RNF10: variants seen among roughly 807,000 people sequenced by gnomAD.
RNF10 encodes ring finger protein 10, also known as E3 ubiquitin-protein ligase RNF10.
A neutral mutation model predicts 91.4 loss-of-function variants in RNF10; 38 were observed. That is an observed-to-expected ratio of 0.42 (90% CI 0.32 to 0.54). The LOEUF is 0.54. Ranked by LOEUF, RNF10 falls within the 20% of genes least tolerant of loss-of-function variation. The pLI is 0.16. For missense variants in RNF10, 945 were observed against 1,012.0 expected (o/e 0.93, Z 0.90); for synonymous variants, 364 against 366.3 (o/e 0.99, Z 0.07).
intron 11 of RNF10, 74 bp downstream of exon 11, chr12:120,565,263 A>G (rs1593103720): frequency 8.2e-7 from 1 of 1,214,270 alleles, no homozygotes; most frequent in Non-Finnish European, 1.2e-6. Flanking sequence ...CCAGTGGGGG[A>G]GGAAACTTAT....
At chr12:120,574,371 C>T (rs570085274) in intron 14 of RNF10, 27 of 446,358 alleles carry the variant, frequency 6.0e-5, no homozygotes, top group South Asian at 4.1e-4. Context: ...AGTTGGGGCT[C>T]ATAGTGGCCT....
chr12:120,571,317 C>A, intron 14 of RNF10, 26 bp downstream of exon 14: 2 of 1,512,228 alleles, frequency 1.3e-6, no homozygotes, highest in Non-Finnish European at 1.8e-6. Flanking sequence ...GTGAAGCAGC[C>A]CAGGGGTATT....
intron 1 of RNF10, among the ~76,000 whole-genome samples, chr12:120,536,044 G>A (rs745419232): frequency 2.6e-5 from 4 of 152,206 alleles, no homozygotes; most frequent in Admixed American, 6.5e-5. Flanking sequence ...TTCAGCGACA[G>A]TGGGGATGTT....
chr12:120,566,768 A>G, intron 12 of RNF10, 57 bp from the exon 13 acceptor site: 1 of 1,548,298 alleles, frequency 6.5e-7, no homozygotes, highest in Non-Finnish European at 8.8e-7. Flanking sequence ...TCTCAAAAAA[A>G]AAAAAAAAAA....
intron 4 of RNF10, 99 bp downstream of exon 4, chr12:120,554,907 C>G (rs1038622805): frequency 3.3e-6 from 3 of 905,898 alleles, no homozygotes; most frequent in Admixed American, 3.9e-5. Flanking sequence ...TGCTTGATAC[C>G]CTTTTCTGCC....
intron 3 of RNF10, among the ~76,000 whole-genome samples, chr12:120,553,684 T>G (rs58940766): frequency 0.031 from 4,715 of 152,108 alleles, 233 homozygotes; most frequent in African/African-American, 0.11. Context: ...ATTACAGGCG[T>G]GAGCCACGGC....
chr12:120,541,437 CTTTT>C (rs3049456), intron 1 of RNF10, among the ~76,000 whole-genome samples: 1 of 140,586 alleles, frequency 7.1e-6, no homozygotes, highest in African/African-American at 2.6e-5. Context: ...CTGAGTTTTC[CTTTT>C]TTTTTTTTTT....
At chr12:120,540,338 T>C (rs1871370942) in intron 1 of RNF10, among the ~76,000 whole-genome samples, 1 of 152,132 alleles carries the variant, frequency 6.6e-6, no homozygotes, top group Admixed American at 6.6e-5. Context: ...GTGCAAGTGA[T>C]TCTGGTGTGC....
chr12:120,563,110 A>T, intron 8 of RNF10, 40 bp downstream of exon 8: 5 of 1,613,396 alleles, frequency 3.1e-6, no homozygotes, highest in Non-Finnish European at 4.2e-6. Flanking sequence ...CCGTTCCTCA[A>T]ATGCTGTCAT....
rs771974880 is a variant in RNF10, at chr12:120,575,926, C to A, written c.2335C>A (p.Pro779Thr). 1 of 1,613,900 alleles carries A rather than the reference C, an allele frequency of 6.2e-7. No individual in the cohort carries two copies. The highest frequency in any genetic ancestry group is 8.5e-7 in the Non-Finnish European group (1 of 1,180,032). Residue 779 changes from proline to threonine, a missense_variant, in exon 16 of 17, where the codon CCA becomes ACA. Coordinates refer to ENST00000325954, the MANE Select transcript of RNF10 (RefSeq NM_014868.5). Reference sequence around the variant, plus strand: ...AGCAGCCTTCATGAAACTGGACACACCAGCTACTTCAGATCCCCTCTCTGG... The same window carrying A: ...AGCAGCCTTCATGAAACTGGACACAACAGCTACTTCAGATCCCCTCTCTGG... ...IEAAFMKLDTPATSDPLSEEK... is the reference protein window; with the variant it reads ...IEAAFMKLDTTATSDPLSEEK...
At chr12:120,538,038 G>A (rs970516056) in intron 1 of RNF10, among the ~76,000 whole-genome samples, 1 of 152,136 alleles carries the variant, frequency 6.6e-6, no homozygotes, top group Non-Finnish European at 1.5e-5. Context: ...GTACACTCAA[G>A]CTCCGCATAA....
chr12:120,549,901 TG>T (rs1238835507), intron 2 of RNF10, among the ~76,000 whole-genome samples: 1 of 151,994 alleles, frequency 6.6e-6, no homozygotes, highest in Non-Finnish European at 1.5e-5. Flanking sequence ...GAGGTCCTAG[TG>T]GGGGTAAAGA....
chr12:120,554,684 C>A, intron 3 of RNF10, 34 bp from the exon 4 acceptor site: 1 of 1,498,338 alleles, frequency 6.7e-7, no homozygotes, highest in Non-Finnish European at 9.3e-7. Flanking sequence ...TAGATCCTGA[C>A]AGTCTAGCTT....
intron 12 of RNF10, 145 bp downstream of exon 12, chr12:120,565,674 T>C: frequency 7.5e-6 from 5 of 665,822 alleles, no homozygotes; most frequent in Non-Finnish European, 1.3e-5. Context: ...CTTAATAGGC[T>C]TGCTTGCAAA....
intron 14 of RNF10, chr12:120,574,613 T>G (rs1814580241): frequency 2.2e-6 from 1 of 448,816 alleles, no homozygotes; most frequent in African/African-American, 2.0e-5. Flanking sequence ...TGAAGTTTAG[T>G]AGCCATGTGG....
At chr12:120,564,476 T>A (rs535432753) in intron 10 of RNF10, among the ~76,000 whole-genome samples, 30 of 152,072 alleles carry the variant, frequency 2.0e-4, no homozygotes, top group African/African-American at 6.7e-4. Context: ...CAAAAAAAAA[T>A]TAGCTGGGTA....
intron 3 of RNF10, 93 bp from the exon 4 acceptor site, chr12:120,554,625 A>C: frequency 1.0e-6 from 1 of 991,974 alleles, no homozygotes; most frequent in Non-Finnish European, 1.6e-6. Context: ...AATGGCCTGC[A>C]TTTGATTTCT....
chr12:120,558,418 GT>G (rs1210023195), intron 6 of RNF10, among the ~76,000 whole-genome samples: 5 of 151,456 alleles, frequency 3.3e-5, no homozygotes, highest in Admixed American at 6.6e-5. Context: ...CTGTTTAAAT[GT>G]TTAGCAACTT....
Position 120,566,815 on chromosome 12 carries a change from T to C in RNF10, c.1886-10T>C. The C allele has an allele frequency of 6.2e-7, 1 of 1,609,068 alleles. No homozygotes were observed. The highest frequency in any genetic ancestry group is 8.5e-7 in the Non-Finnish European group (1 of 1,178,376). The stretch of plus-strand genomic sequence containing the variant: ...TAAATGGGTTTACAAGGGTTATCTT[T>C]CCTTTGCAGACCCAGAAGTCCACAT... On this transcript the variant is annotated splice_polypyrimidine_tract_variant and intron_variant, in intron 12 of 16. Coordinates refer to ENST00000325954, the MANE Select transcript of RNF10 (RefSeq NM_014868.5).
Sources: allele counts gnomAD v4.1 joint callset (sites outside exome capture counted in the v4.1 genomes callset), GRCh38; gene constraint gnomAD v4.1.1; transcripts MANE v1.5; gene names NCBI Gene and HGNC (gene_info 2026-07-23, HGNC 2026-07-21).